The following CREB3L2 variants were observed in gnomAD, a reference collection of about 807,000 sequenced individuals.
CREB3L2 encodes the protein cAMP responsive element binding protein 3 like 2.
Under a neutral mutation model 57.2 loss-of-function variants are expected in CREB3L2, and 23 were observed. The observed-to-expected ratio is 0.40, with a 90% confidence interval of 0.29 to 0.57. The LOEUF is 0.57. CREB3L2 is among the 20% of genes least tolerant of loss of function. The pLI is 0.42. For missense variants in CREB3L2, 628 were observed against 634.7 expected (o/e 0.99, Z 0.11); for synonymous variants, 268 against 265.1 (o/e 1.01, Z -0.11).
chr7:137,905,766 T>A lies in CREB3L2; in HGVS notation c.851A>T (p.Lys284Ile), dbSNP rs1403332874. 1 of 1,614,080 alleles carries A rather than the reference T, an allele frequency of 6.2e-7. No homozygotes were observed. Among genetic ancestry groups the A allele is most frequent in the Non-Finnish European group, 8.5e-7 (1 of 1,179,946 alleles). ...CTCCTCTGATTTTGACAGGGGCAATTTGGTGGGGATGGGATAGCCCTCAGC... is the reference window on the plus strand; with the variant it reads ...CTCCTCTGATTTTGACAGGGGCAATATGGTGGGGATGGGATAGCCCTCAGC... ...LIAEGYPIPT[K>I]LPLSKSEEKA... Residue 284 changes from lysine (K) to isoleucine (I), a missense_variant, in exon 6 of 12, where the codon AAA becomes ATA. This residue lies in a region of CREB3L2 where 339 missense variants were observed against 355.4 expected (regional missense o/e 0.95). Coordinates refer to ENST00000330387, the MANE Select transcript of CREB3L2 (RefSeq NM_194071.4).
At chr7:137,888,382 C>G (rs1799470668) in intron 8 of CREB3L2, among the ~76,000 whole-genome samples, 1 of 152,098 alleles carries the variant, frequency 6.6e-6, no homozygotes, top group African/African-American at 2.4e-5. Context: ...TGATGCAGCA[C>G]CTTTCCTTCC....
intron 8 of CREB3L2, among the ~76,000 whole-genome samples, chr7:137,894,940 C>T (rs1799596228): frequency 6.6e-6 from 1 of 152,142 alleles, no homozygotes. Context: ...TGACTTTAAC[C>T]CCACCAGGCC....
At chr7:137,903,226 T>G (rs1390408361) in intron 7 of CREB3L2, among the ~76,000 whole-genome samples, 2 of 152,102 alleles carry the variant, frequency 1.3e-5, no homozygotes, top group Non-Finnish European at 1.5e-5. Flanking sequence ...AGTACTTAAG[T>G]CAGGTGATAG....
intron 1 of CREB3L2, among the ~76,000 whole-genome samples, chr7:137,947,506 G>A (rs533434414): frequency 6.2e-4 from 94 of 152,114 alleles, no homozygotes; most frequent in African/African-American, 2.1e-3. Context: ...TGTGCCCTCC[G>A]GGGCTCCCCT....
At chr7:137,960,393 G>T in intron 1 of CREB3L2, among the ~76,000 whole-genome samples, 1 of 152,134 alleles carries the variant, frequency 6.6e-6, no homozygotes, top group South Asian at 2.1e-4. Context: ...ATATGTGTGT[G>T]TTTATACATA....
At position 137,880,671 on chromosome 7, in the gene CREB3L2, G is replaced by A. The variant is rs1799275743; in HGVS notation, c.1488-120C>T. On this transcript the variant is annotated intron_variant, in intron 11 of 11. Transcript: ENST00000330387. The surrounding 1 kb of genome is among the most constrained non-coding windows in gnomAD (Gnocchi z 4.0). ...CAACTTGGTGAGACGGCCTGGGCAT[G>A]TTTCTTGTCCTTTTCTCTCCTAGTA... 2.6e-6 allele frequency: 2 copies of A among 770,998 alleles called. No individual in the cohort carries two copies. The highest frequency in any genetic ancestry group is 1.5e-5 in the South Asian group (1 of 66,734). The allele number at this position is 770,998 out of a possible 1,614,324, so 47.8% of individuals were successfully genotyped here. A position where few individuals can be genotyped will look rare whatever the true frequency, so the allele number is the denominator to read the frequency against.
intron 4 of CREB3L2, among the ~76,000 whole-genome samples, chr7:137,909,039 G>A (rs1441578945): frequency 6.6e-6 from 1 of 152,180 alleles, no homozygotes; most frequent in African/African-American, 2.4e-5. Flanking sequence ...GTTAGGGGTT[G>A]CAGTGAGCCA....
chr7:137,935,509 C>T (rs1800760321), intron 1 of CREB3L2, among the ~76,000 whole-genome samples: 1 of 152,182 alleles, frequency 6.6e-6, no homozygotes, highest in South Asian at 2.1e-4. Context: ...TAATTTGACA[C>T]ATTTTTCCTT....
intron 11 of CREB3L2, among the ~76,000 whole-genome samples, chr7:137,882,042 G>A (rs918662224): frequency 2.0e-5 from 3 of 152,206 alleles, no homozygotes; most frequent in Non-Finnish European, 4.4e-5. Flanking sequence ...CATGAAACAT[G>A]TCTTAAAGTT....
At chr7:137,913,113 C>G (rs1232606090) in intron 3 of CREB3L2, 35 bp from the exon 4 acceptor site, 1 of 1,601,156 alleles carries the variant, frequency 6.2e-7, no homozygotes, top group Non-Finnish European at 8.5e-7. Flanking sequence ...TTTTTAAAAA[C>G]CAATCACAGC....
rs908122847 is a variant in CREB3L2, at chr7:137,879,346, A to T, written c.*1130T>A. On this transcript the variant is annotated 3_prime_UTR_variant, in exon 12 of 12. Coordinates refer to ENST00000330387, the MANE Select transcript of CREB3L2 (RefSeq NM_194071.4). ...GAGGACAAAGTGGAAGTGTGGAGGGAGGAGGGGGCCAGGCAGGTGTGGAAA... is the reference window on the plus strand; with the variant it reads ...GAGGACAAAGTGGAAGTGTGGAGGGTGGAGGGGGCCAGGCAGGTGTGGAAA... The T allele has an allele frequency of 7.7e-5, 39 of 507,678 alleles. 3 individuals carry two copies. Among genetic ancestry groups the T allele is most frequent in the Non-Finnish European group, 1.1e-5 (3 of 263,854 alleles). The allele number at this position is 507,678 out of a possible 1,614,324, so 31.4% of individuals were successfully genotyped here.
chr7:137,989,979 A>C (rs1256431583), intron 1 of CREB3L2, among the ~76,000 whole-genome samples: 1 of 152,224 alleles, frequency 6.6e-6, no homozygotes, highest in East Asian at 1.9e-4. Flanking sequence ...TGGATGAAAT[A>C]GCCAGCCAGA....
intron 1 of CREB3L2, among the ~76,000 whole-genome samples, chr7:137,970,120 T>C (rs1030854814): frequency 6.6e-6 from 1 of 152,166 alleles, no homozygotes; most frequent in East Asian, 1.9e-4. Context: ...GCAAGTTTCT[T>C]AACCTCTTCA....
chr7:137,876,357 TG>T lies in CREB3L2; in HGVS notation c.*4118del. The T allele has an allele frequency of 4.3e-6, 1 of 233,260 alleles. No homozygotes were observed. The highest frequency in any genetic ancestry group is 5.6e-5 in the Admixed American group (1 of 17,772). 14.4% of individuals were successfully genotyped at this position (233,260 alleles called of 1,614,324 possible). A position where few individuals can be genotyped will look rare whatever the true frequency, so the allele number is the denominator to read the frequency against. ...GTGTGTGTGTGTGTGTGTGTGTGTGTGTGTGTGTGTGTCAGAGAGAGAAGAA... is the reference window on the plus strand; with the variant it reads ...GTGTGTGTGTGTGTGTGTGTGTGTGTTGTGTGTGTGTCAGAGAGAGAAGAA... On this transcript the variant is annotated 3_prime_UTR_variant, in exon 12 of 12. Coordinates refer to ENST00000330387, the MANE Select transcript of CREB3L2 (RefSeq NM_194071.4).
intron 2 of CREB3L2, among the ~76,000 whole-genome samples, chr7:137,919,174 T>C (rs573022518): frequency 2.0e-5 from 3 of 150,138 alleles, no homozygotes; most frequent in South Asian, 2.1e-4. Flanking sequence ...CTCAAAGATA[T>C]CTTTTTTTTT....
intron 2 of CREB3L2, among the ~76,000 whole-genome samples, chr7:137,922,028 A>C (rs1194195922): frequency 6.6e-6 from 1 of 151,308 alleles, no homozygotes; most frequent in Non-Finnish European, 1.5e-5. Flanking sequence ...CTCCTGCCTC[A>C]GCCACCCAAA....
chr7:137,894,669 G>A (rs1462890859), intron 8 of CREB3L2, among the ~76,000 whole-genome samples: 1 of 152,220 alleles, frequency 6.6e-6, no homozygotes, highest in Non-Finnish European at 1.5e-5. Context: ...TAGGGTGAGA[G>A]CTCCAGATGG....
chr7:137,894,160 G>C (rs1799574393), intron 8 of CREB3L2, among the ~76,000 whole-genome samples: 1 of 152,154 alleles, frequency 6.6e-6, no homozygotes, highest in African/African-American at 2.4e-5. Flanking sequence ...GGACAGATGA[G>C]GTAATGTCTC....
intron 1 of CREB3L2, among the ~76,000 whole-genome samples, chr7:137,945,186 C>A (rs994668643): frequency 2.0e-5 from 3 of 152,206 alleles, no homozygotes; most frequent in Non-Finnish European, 4.4e-5. Flanking sequence ...TGAGCCACCA[C>A]GCCCAGCCAA....
Sources: gnomAD v4.1 joint callset for allele counts (sites outside exome capture counted in the v4.1 genomes callset) on GRCh38, gnomAD v4.1.1 for gene constraint, gnomAD v4.1.1 regional missense constraint, Gnocchi (gnomAD v3.1) non-coding constraint, MANE v1.5 for transcripts, NCBI Gene and HGNC (gene_info 2026-07-23, HGNC 2026-07-21) for gene names.